Variants in MAP3K3 observed in about 807,000 individuals in gnomAD.
The protein encoded by MAP3K3 is MAP/ERK kinase kinase 3.
Under a neutral mutation model 80.9 loss-of-function variants are expected in MAP3K3, and 12 were observed. That is an observed-to-expected ratio of 0.15 (90% CI 0.10 to 0.24). MAP3K3 has a LOEUF of 0.24. MAP3K3 is among the 10% of genes least tolerant of loss of function. The pLI is 1.00. For synonymous variants in MAP3K3, 272 were observed against 307.1 expected (o/e 0.89, Z 1.19); for missense variants, 596 against 834.7 (o/e 0.71, Z 3.52).
At position 63,632,746 on chromosome 17, in the gene MAP3K3, C is replaced by T. The variant is rs199910953; in HGVS notation, c.70C>T (p.Arg24Trp). Residue 24 changes from arginine (R) to tryptophan (W), a missense_variant, in exon 2 of 16, where the codon CGG becomes TGG. Physicochemically the swap from Arg to Trp is moderately radical, Grantham distance 101 (BLOSUM62 -3). Transcript: ENST00000361733. ...GGCCCTCCAGATGAACCGACGTCAC[C>T]GGATGCCTGGATATGAGACCATGAA... ...LVALQMNRRH[R>W]MPGYETMKNK... is the part of the protein sequence containing the mutation. The T allele has an allele frequency of 1.2e-4, 190 of 1,613,886 alleles. No homozygotes were observed. Among genetic ancestry groups the T allele is most frequent in the Admixed American group, 3.3e-5 (2 of 59,978 alleles).
chr17:63,632,117 G>A (rs571533650), intron 1 of MAP3K3, among the ~76,000 whole-genome samples: 1 of 152,262 alleles, frequency 6.6e-6, no homozygotes, highest in Non-Finnish European at 1.5e-5. Flanking sequence ...TGGACCAACT[G>A]CCCTGTTTGA....
At chr17:63,626,375 A>T (rs185784344) in intron 1 of MAP3K3, among the ~76,000 whole-genome samples, 2 of 152,246 alleles carry the variant, frequency 1.3e-5, no homozygotes, top group African/African-American at 4.8e-5. Flanking sequence ...AGAGAGATCA[A>T]TTCTGTCGTT....
chr17:63,675,989 A>G (rs1182074976), intron 6 of MAP3K3, among the ~76,000 whole-genome samples: 2 of 152,162 alleles, frequency 1.3e-5, no homozygotes, highest in East Asian at 3.9e-4. Context: ...TTGGCTCCCA[A>G]TTTCTGAAAT....
At chr17:63,688,722 G>A in intron 9 of MAP3K3, 67 bp from the exon 10 acceptor site, 2 of 1,406,274 alleles carry the variant, frequency 1.4e-6, no homozygotes, top group Non-Finnish European at 2.0e-6. Flanking sequence ...GGTGCCTTGG[G>A]GACTTGGGGG....
chr17:63,657,899 A>G lies in MAP3K3; in HGVS notation c.373A>G (p.Arg125Gly). ...TAGGATATTGCTGTTGTCCCAGGAC[A>G]GAAACCATGTAAGTAGCCCTTGTCA... Reference protein sequence around the residue: ...SLRILLLSQDRNHNSSSPHSG... With the variant: ...SLRILLLSQDGNHNSSSPHSG... The change falls in exon 5 of 16, where the codon AGA becomes GGA. Residue 125 changes from arginine to glycine, a missense_variant. By Grantham distance (125) the Arg-to-Gly change is moderately radical (BLOSUM62 -2). This residue lies in a region of MAP3K3 where 232 missense variants were observed against 245.8 expected (regional missense o/e 0.94). Transcript: ENST00000361733. 1 of 1,580,030 alleles carries G rather than the reference A, an allele frequency of 6.3e-7. No individual in the cohort carries two copies. The highest frequency in any genetic ancestry group is 8.7e-7 in the Non-Finnish European group (1 of 1,153,442).
chr17:63,681,794 TC>T lies in MAP3K3; in HGVS notation c.536del (p.Pro179LeufsTer39). The T allele has an allele frequency of 2.6e-6, 4 of 1,530,838 alleles. No homozygotes were observed. Among genetic ancestry groups the T allele is most frequent in the Admixed American group, 2.0e-5 (1 of 50,074 alleles). 94.8% of individuals were successfully genotyped at this position (1,530,838 alleles called of 1,614,324 possible). On this transcript the variant is annotated frameshift_variant, in exon 7 of 16. Transcript: ENST00000361733. LOFTEE classifies it high-confidence loss of function. ...SSQNPGRSSPPPGYVPERQQH... is the reference protein window; with the variant it reads ...SSQNPGRSSPXPGYVPERQQH... Reference sequence around the variant, plus strand: ...CCCAGAACCCTGGCCGAAGCTCACCTCCCCCTGGCTATGTTCCTGAGCGGCA... The same window carrying T: ...CCCAGAACCCTGGCCGAAGCTCACCTCCCCTGGCTATGTTCCTGAGCGGCA...
At position 63,684,179 on chromosome 17, in the gene MAP3K3, G is replaced by A. The variant is rs115232915; in HGVS notation, c.637-1338G>A. Among the ~76,000 whole-genome samples, 314 of 152,168 alleles carry A rather than the reference G, an allele frequency of 2.1e-3. 3 individuals are homozygous for A. The highest frequency in any genetic ancestry group is 7.0e-3 in the African/African-American group (291 of 41,510). ...CAACAAAATGCTAGCACAATGTAAC[G>A]TCCTTCACTCCCTGCTTGACTTCTA... On this transcript the variant is annotated intron_variant, in intron 7 of 15. Transcript: ENST00000361733.
rs748109392 is a variant in MAP3K3, at chr17:63,685,553, T to C, written c.673T>C (p.Ser225Pro). ...DPLSSAENSLSGSCQSLDRSA... is the reference protein window; with the variant it reads ...DPLSSAENSLPGSCQSLDRSA... ...CCTGAGCAGTGCAGAAAATTCCTTG[T>C]CTGGAAGCTGCCAATCCTTGGACAG... Residue 225 changes from serine to proline, a missense_variant, in exon 8 of 16, where the codon TCT (serine) becomes CCT (proline). Transcript: ENST00000361733. 16 of 1,614,088 alleles carry C rather than the reference T, an allele frequency of 9.9e-6. No homozygotes were observed. The South Asian group carries it at 1.6e-4, about 17-fold the overall frequency.
chr17:63,633,229 C>CAA lies in MAP3K3; in HGVS notation c.126+441_126+442dup, dbSNP rs201848267. 3.4e-3 allele frequency among the ~76,000 whole-genome samples: 378 copies of CAA among 109,648 alleles called. 3 individuals carry two copies. The highest frequency in any genetic ancestry group is 6.8e-3 in the South Asian group (24 of 3,532). 71.9% of individuals were successfully genotyped at this position (109,648 alleles called of 152,430 possible). ...GGCAAGACAGAGTGAAACTCTGTCT[C>CAA]AAAAAAAAAAAAAAAGTTATATATG... On this transcript the variant is annotated intron_variant, in intron 2 of 15. Coordinates refer to ENST00000361733, the MANE Select transcript of MAP3K3 (RefSeq NM_002401.5).
In MAP3K3 at chr17:63,693,489, G is replaced by C; in HGVS notation, c.1653-60G>C. The stretch of plus-strand genomic sequence containing the variant: ...AAAGGCGCCTCTTTCTGCAGTGGTG[G>C]GCAGGACAGCTGGGAGTCCAGGGCT... On this transcript the variant is annotated intron_variant, in intron 15 of 15. Transcript: ENST00000361733. The surrounding 1 kb of genome is among the most constrained non-coding windows in gnomAD (Gnocchi z 4.2). 6.9e-7 allele frequency: 1 copy of C among 1,459,516 alleles called. No homozygotes were observed. The highest frequency in any genetic ancestry group is 9.4e-7 in the Non-Finnish European group (1 of 1,062,788). The allele number at this position is 1,459,516 out of a possible 1,614,324, so 90.4% of individuals were successfully genotyped here. A position where few individuals can be genotyped will look rare whatever the true frequency, so the allele number is the denominator to read the frequency against.
At chr17:63,623,110 A>G (rs1275349534) in intron 1 of MAP3K3, among the ~76,000 whole-genome samples, 1 of 152,002 alleles carries the variant, frequency 6.6e-6, no homozygotes, top group African/African-American at 2.4e-5. Flanking sequence ...GCGGGGGAGC[A>G]AGAGCGCAGT....
intron 3 of MAP3K3, among the ~76,000 whole-genome samples, chr17:63,651,469 G>C (rs1286149809): frequency 1.3e-5 from 2 of 152,080 alleles, no homozygotes; most frequent in Admixed American, 1.3e-4. Flanking sequence ...ACGAGACTCT[G>C]TTTTGAAACA....
chr17:63,632,379 C>T (rs1338909230), intron 1 of MAP3K3, among the ~76,000 whole-genome samples: 1 of 152,164 alleles, frequency 6.6e-6, no homozygotes, highest in Non-Finnish European at 1.5e-5. Context: ...GTGTTCCCAG[C>T]TACTCAGGAG....
intron 2 of MAP3K3, among the ~76,000 whole-genome samples, chr17:63,643,603 G>A (rs1196029390): frequency 6.6e-6 from 1 of 152,130 alleles, no homozygotes; most frequent in Non-Finnish European, 1.5e-5. Context: ...TTCTGTAAAT[G>A]TAAAACTCTT....
chr17:63,680,426 T>A (rs73339438), intron 6 of MAP3K3, among the ~76,000 whole-genome samples: 1,969 of 152,250 alleles, frequency 0.013, 46 homozygotes, highest in African/African-American at 0.045. Flanking sequence ...TTTGTGTGGG[T>A]ATAGTTAAAG....
intron 7 of MAP3K3, among the ~76,000 whole-genome samples, chr17:63,683,135 T>C (rs1487589033): frequency 6.6e-6 from 1 of 152,212 alleles, no homozygotes; most frequent in East Asian, 1.9e-4. Context: ...AAGGGGAAAA[T>C]GTCCAACAGA....
At chr17:63,656,324 C>G (rs1412437897) in intron 4 of MAP3K3, among the ~76,000 whole-genome samples, 2 of 151,536 alleles carry the variant, frequency 1.3e-5, no homozygotes, top group African/African-American at 2.4e-5. Context: ...AAAATCTGAC[C>G]AGGCGTGGTG....
rs779301433 is a variant in MAP3K3, at chr17:63,693,644, C to T, written c.1748C>T (p.Pro583Leu). 3.1e-6 allele frequency: 5 copies of T among 1,610,220 alleles called. No homozygotes were observed. The highest frequency in any genetic ancestry group is 3.4e-6 in the Non-Finnish European group (4 of 1,177,546). ...GCCATCTTCAAGATTGCCACCCAGCCCACCAATCCTCAGCTGCCCTCCCAC... is the reference window on the plus strand; with the variant it reads ...GCCATCTTCAAGATTGCCACCCAGCTCACCAATCCTCAGCTGCCCTCCCAC... Reference protein sequence around the residue: ...MAAIFKIATQPTNPQLPSHIS... With the variant: ...MAAIFKIATQLTNPQLPSHIS... Residue 583 changes from proline (P) to leucine (L), a missense_variant, in exon 16 of 16, where the codon CCC becomes CTC. Pro to Leu is a moderately conservative substitution (Grantham distance 98). Around this residue, in one of 2 missense-constraint regions of MAP3K3, gnomAD observed 364 missense variants for 588.9 expected, o/e 0.62. Coordinates refer to ENST00000361733, the MANE Select transcript of MAP3K3 (RefSeq NM_002401.5). This position sits in a 1 kb window ranked among gnomAD's most constrained non-coding sequence, Gnocchi z 4.2.
intron 8 of MAP3K3, 118 bp downstream of exon 8, chr17:63,685,708 C>A: frequency 1.3e-6 from 1 of 788,396 alleles, no homozygotes; most frequent in Non-Finnish European, 2.2e-6. Flanking sequence ...CTAGGAAAAG[C>A]CTTCTCCTTA....
Sources: gnomAD v4.1 joint callset for allele counts (sites outside exome capture counted in the v4.1 genomes callset) on GRCh38, gnomAD v4.1.1 for gene constraint, gnomAD v4.1.1 regional missense constraint, Gnocchi (gnomAD v3.1) non-coding constraint, MANE v1.5 for transcripts, NCBI Gene and HGNC (gene_info 2026-07-23, HGNC 2026-07-21) for gene names.